KCNH5: variants seen among roughly 807,000 people sequenced by gnomAD.
KCNH5 encodes the protein voltage-gated delayed rectifier potassium channel KCNH5.
A neutral mutation model predicts 96.1 loss-of-function variants in KCNH5; 46 were observed. The observed-to-expected ratio is 0.48, with a 90% CI of 0.38 to 0.61. KCNH5 has a LOEUF of 0.61. KCNH5 is among the 20% of genes least tolerant of loss of function. The pLI, the probability that KCNH5 is intolerant of heterozygous loss-of-function variation, is 0.00. For synonymous variants in KCNH5, 439 were observed against 449.8 expected, an observed-to-expected ratio of 0.98 and a Z score of 0.30; for missense variants, 907 against 1,225.8, an observed-to-expected ratio of 0.74 and a Z score of 3.88.
chr14:62,802,984 A>C (rs1886695879), intron 8 of KCNH5, among the ~76,000 whole-genome samples: 1 of 152,094 alleles, frequency 6.6e-6, no homozygotes, highest in Non-Finnish European at 1.5e-5. Flanking sequence ...TCTACTAAAA[A>C]GACAAAAAAA....
At chr14:62,911,808 G>A (rs1595681265) in intron 7 of KCNH5, among the ~76,000 whole-genome samples, 1 of 151,634 alleles carries the variant, frequency 6.6e-6, no homozygotes, top group East Asian at 1.9e-4. Flanking sequence ...AGGGAGGCAG[G>A]TGGATCACTT....
intron 10 of KCNH5, among the ~76,000 whole-genome samples, chr14:62,769,356 A>G (rs1350413960): frequency 6.6e-6 from 1 of 152,174 alleles, no homozygotes; most frequent in Non-Finnish European, 1.5e-5. Context: ...TGAGGTAATG[A>G]GAGTTATATC....
intron 8 of KCNH5, 145 bp downstream of exon 8, chr14:62,849,508 T>C (rs892596865): frequency 3.1e-6 from 2 of 643,706 alleles, no homozygotes; most frequent in Non-Finnish European, 5.4e-6. Context: ...ACTTAATAAA[T>C]ATGACTGATT....
chr14:62,799,292 T>C (rs939586756), intron 9 of KCNH5, among the ~76,000 whole-genome samples: 4 of 151,924 alleles, frequency 2.6e-5, no homozygotes, highest in East Asian at 1.9e-4. Flanking sequence ...AAAAAATACA[T>C]AAAGTTGGGC....
At position 62,993,011 on chromosome 14, in the gene KCNH5, C is replaced by G. The variant is rs137867697; in HGVS notation, c.434-5824G>C. ...GTATATGACAAGAGATAGGGGGGTC[C>G]TGTTTCATTCTTCTGCATATGGCAA... On this transcript the variant is annotated intron_variant, in intron 4 of 10. Transcript: ENST00000322893. Among the ~76,000 whole-genome samples the G allele has an allele frequency of 5.8e-4, 88 of 152,082 alleles. 1 individual carries two copies. The highest frequency in any genetic ancestry group is 2.0e-3 in the African/African-American group (85 of 41,532).
intron 10 of KCNH5, among the ~76,000 whole-genome samples, chr14:62,779,147 T>A (rs1186922151): frequency 6.6e-6 from 1 of 152,226 alleles, no homozygotes; most frequent in Non-Finnish European, 1.5e-5. Flanking sequence ...GCAAATTAAA[T>A]TTGTGTCACA....
intron 1 of KCNH5, among the ~76,000 whole-genome samples, chr14:63,024,598 C>A (rs746203739): frequency 6.6e-5 from 10 of 151,896 alleles, no homozygotes; most frequent in Non-Finnish European, 1.5e-4. Flanking sequence ...GGAGACAATA[C>A]AACTGATACC....
chr14:63,028,917 G>A (rs908087556), intron 1 of KCNH5, among the ~76,000 whole-genome samples: 7 of 152,184 alleles, frequency 4.6e-5, no homozygotes, highest in East Asian at 1.9e-4. Flanking sequence ...CTCAAAGAGC[G>A]TTTTTCAAAC....
chr14:62,795,431 T>C (rs1181757153), intron 9 of KCNH5, among the ~76,000 whole-genome samples: 1 of 152,204 alleles, frequency 6.6e-6, no homozygotes, highest in African/African-American at 2.4e-5. Context: ...TTCTTGTCAT[T>C]ATTCCCTAAC....
intron 8 of KCNH5, among the ~76,000 whole-genome samples, chr14:62,835,842 C>T (rs1887454915): frequency 6.6e-6 from 1 of 151,576 alleles, no homozygotes; most frequent in Non-Finnish European, 1.5e-5. Flanking sequence ...TTTACTTTTG[C>T]TACGTTTCAA....
At chr14:62,792,659 A>G (rs1303068791) in intron 9 of KCNH5, among the ~76,000 whole-genome samples, 1 of 151,672 alleles carries the variant, frequency 6.6e-6, no homozygotes, top group Non-Finnish European at 1.5e-5. Context: ...CGTTCATATT[A>G]TAACTAAGTC....
intron 7 of KCNH5, 149 bp from the exon 8 acceptor site, chr14:62,850,001 C>A (rs1566681472): frequency 3.1e-6 from 2 of 636,758 alleles, no homozygotes; most frequent in Admixed American, 2.7e-5. Flanking sequence ...CTGCCTGACA[C>A]CTGGTATTCA....
intron 7 of KCNH5, among the ~76,000 whole-genome samples, chr14:62,949,112 C>A (rs1328084784): frequency 6.6e-6 from 1 of 151,974 alleles, no homozygotes; most frequent in Non-Finnish European, 1.5e-5. Context: ...GACAAGGATG[C>A]CCTCTCTCAC....
intron 9 of KCNH5, among the ~76,000 whole-genome samples, chr14:62,790,524 A>G (rs572726557): frequency 6.6e-6 from 1 of 150,770 alleles, no homozygotes; most frequent in African/African-American, 2.4e-5. Flanking sequence ...AATTCTTATA[A>G]CCCATGAACA....
At chr14:62,883,366 TAA>T (rs1295508233) in intron 7 of KCNH5, among the ~76,000 whole-genome samples, 1 of 152,100 alleles carries the variant, frequency 6.6e-6, no homozygotes, top group Non-Finnish European at 1.5e-5. Flanking sequence ...TTACTTGAAA[TAA>T]AAAAAGAGTC....
chr14:62,869,425 G>T (rs1345022304), intron 7 of KCNH5, among the ~76,000 whole-genome samples: 1 of 151,642 alleles, frequency 6.6e-6, no homozygotes, highest in Non-Finnish European at 1.5e-5. Context: ...GTAGATTCTG[G>T]ATATTAACCC....
At chr14:62,785,825 C>A (rs982373018) in intron 9 of KCNH5, among the ~76,000 whole-genome samples, 1 of 152,110 alleles carries the variant, frequency 6.6e-6, no homozygotes, top group African/African-American at 2.4e-5. Flanking sequence ...GATTTTATAG[C>A]CAGATTTATT....
chr14:62,759,633 T>A (rs1885704879), intron 10 of KCNH5, among the ~76,000 whole-genome samples: 1 of 150,062 alleles, frequency 6.7e-6, no homozygotes, highest in South Asian at 2.2e-4. Context: ...CTGATTGAAT[T>A]TTTGAATTTT....
At chr14:63,000,056 T>C (rs1890983888) in intron 4 of KCNH5, among the ~76,000 whole-genome samples, 1 of 152,134 alleles carries the variant, frequency 6.6e-6, no homozygotes, top group Non-Finnish European at 1.5e-5. Context: ...CTGTCATACT[T>C]TGAATGGTTT....
Sources: gnomAD v4.1 joint callset for allele counts (sites outside exome capture counted in the v4.1 genomes callset) on GRCh38, gnomAD v4.1.1 for gene constraint, MANE v1.5 for transcripts, NCBI Gene and HGNC (gene_info 2026-07-23, HGNC 2026-07-21) for gene names.